Variants in CERT1 observed in about 807,000 individuals in gnomAD.
CERT1 encodes ceramide transporter 1.
Under a neutral mutation model 87.9 loss-of-function variants are expected in CERT1, and 31 were observed. The observed-to-expected ratio is 0.35, with a 90% CI of 0.27 to 0.48. The LOEUF (loss-of-function observed/expected upper bound fraction) is 0.48, where lower values mean the gene tolerates loss of function less well. Among genes scored for constraint, CERT1 ranks in the 20% least tolerant of loss-of-function variants. The pLI is 0.99. For synonymous variants in CERT1, 289 were observed against 250.9 expected, an observed-to-expected ratio of 1.15 and a Z score of -1.44; for missense variants, 487 against 758.0, an observed-to-expected ratio of 0.64 and a Z score of 4.20.
At chr5:75,482,913 G>A (rs554171266) in intron 2 of CERT1, among the ~76,000 whole-genome samples, 32 of 152,272 alleles carry the variant, frequency 2.1e-4, no homozygotes, top group African/African-American at 7.5e-4. Flanking sequence ...TTCCTAAGAA[G>A]AATGGGTACA....
intron 2 of CERT1, among the ~76,000 whole-genome samples, chr5:75,468,849 T>G (rs931363973): frequency 7.9e-5 from 12 of 152,108 alleles, no homozygotes; most frequent in Non-Finnish European, 1.6e-4. Context: ...CTGCAAACAT[T>G]CCAATAAGTA....
At chr5:75,499,169 G>T (rs926563687) in intron 2 of CERT1, among the ~76,000 whole-genome samples, 5 of 152,242 alleles carry the variant, frequency 3.3e-5, no homozygotes, top group African/African-American at 1.2e-4. Flanking sequence ...GTTCACAGGT[G>T]GAGGGGACTT....
chr5:75,469,034 A>T (rs1257227999), intron 2 of CERT1, among the ~76,000 whole-genome samples: 2 of 152,240 alleles, frequency 1.3e-5, no homozygotes, highest in African/African-American at 4.8e-5. Context: ...AAGCTCAATG[A>T]ACTTCAAGAA....
chr5:75,506,018 G>A lies in CERT1; in HGVS notation c.195C>T (p.Cys65=), dbSNP rs768686413. ...YKSEDETEYG[C]RGSICLSKAV... ...CCTTGCTAAGACAGATGGATCCTCT[G>A]CAGCCATACTCTGTTTCATCTTCAG... is the stretch of plus-strand genomic sequence containing the variant. Residue 65 remains cysteine, a synonymous_variant, in exon 2 of 17, where the codon TGC becomes TGT. Transcript: ENST00000643780. The A allele has an allele frequency of 1.2e-6, 2 of 1,613,696 alleles. No homozygotes were observed. The highest frequency in any genetic ancestry group is 8.5e-7 in the Non-Finnish European group (1 of 1,179,738).
intron 8 of CERT1, 141 bp from the exon 9 acceptor site, chr5:75,403,199 G>T: frequency 3.2e-6 from 2 of 623,490 alleles, no homozygotes; most frequent in South Asian, 1.9e-5. Flanking sequence ...CAGTATACTA[G>T]ATCATATGCA....
Position 75,385,936 on chromosome 5 carries a change from A to G in CERT1, c.1383T>C (p.Tyr461=), listed in dbSNP as rs777222556. The change falls in exon 13 of 17, where the codon TAT becomes TAC. Residue 461 remains tyrosine (Y), a synonymous_variant. Transcript: ENST00000643780. ...KGVTGHEVCN[Y]FWNVDVRNDW... ...CATTGCGAACGTCAACATTCCAGAA[A>G]TAATTGCAGACTTCATGTCCTGTGA... 1 of 1,569,438 alleles carries G rather than the reference A, an allele frequency of 6.4e-7. No homozygotes were observed. The highest frequency in any genetic ancestry group is 8.6e-7 in the Non-Finnish European group (1 of 1,159,170).
intron 2 of CERT1, among the ~76,000 whole-genome samples, chr5:75,462,486 C>T (rs955687613): frequency 7.2e-5 from 11 of 152,158 alleles, no homozygotes; most frequent in Admixed American, 5.9e-4. Flanking sequence ...GAGGTAATGT[C>T]GGCTTGCCTG....
At chr5:75,457,697 G>A (rs1031577160) in intron 3 of CERT1, among the ~76,000 whole-genome samples, 3 of 151,934 alleles carry the variant, frequency 2.0e-5, no homozygotes, top group African/African-American at 4.8e-5. Context: ...AAGCTAATAC[G>A]ATTGATAAAG....
chr5:75,443,022 T>C (rs914104456), intron 3 of CERT1, among the ~76,000 whole-genome samples: 4 of 152,180 alleles, frequency 2.6e-5, no homozygotes, highest in Admixed American at 6.5e-5. Context: ...ACTTGGGGTC[T>C]TGGAACATAT....
At chr5:75,488,978 A>G (rs1766652312) in intron 2 of CERT1, among the ~76,000 whole-genome samples, 1 of 152,306 alleles carries the variant, frequency 6.6e-6, no homozygotes, top group South Asian at 2.1e-4. Flanking sequence ...TGGAGGCATC[A>G]TGCTACCTGA....
chr5:75,458,975 A>C (rs761585498), intron 3 of CERT1, 90 bp downstream of exon 3: 1 of 688,122 alleles, frequency 1.5e-6, no homozygotes, highest in Non-Finnish European at 2.6e-6. Context: ...TGTTTCAGTA[A>C]CTAATGTCAC....
At chr5:75,459,723 G>A (rs1440371664) in intron 2 of CERT1, among the ~76,000 whole-genome samples, 3 of 152,056 alleles carry the variant, frequency 2.0e-5, no homozygotes. Context: ...CCAGCACTTT[G>A]GAAGGCCAAG....
Position 75,495,577 on chromosome 5 carries a change from C to CA in CERT1, c.231+10404dup, listed in dbSNP as rs1308352646. ...TATCTCACTTACAAAAAAAAAAAGA[C>CA]AGAGGCCAAGCCTACACAGCACTCA... On this transcript the variant is annotated intron_variant, in intron 2 of 16. Transcript: ENST00000643780. Among the ~76,000 whole-genome samples the CA allele has an allele frequency of 4.6e-5, 7 of 151,442 alleles. No individual in the cohort carries two copies. In the East Asian group the frequency reaches 1.0e-3, roughly 22 times the overall value.
rs142100179 is a variant in CERT1 at position 75,403,035 on chromosome 5, A to G, written c.954T>C (p.Asn318=). The G allele has an allele frequency of 5.8e-5, 94 of 1,613,176 alleles. No individual in the cohort carries two copies. The highest frequency in any genetic ancestry group is 4.0e-4 in the Admixed American group (24 of 59,982). ...CAACAGCATCAAAGAACTCTTCTTC[A>G]TTAATCAGACTGTTAGGGCCTTCCT... The part of the protein sequence containing the change: ...DYEEGPNSLI[N]EEEFFDAVEA... The change falls in exon 9 of 17, where the codon AAT becomes AAC. Residue 318 remains asparagine (N), a synonymous_variant. Coordinates refer to ENST00000643780, the MANE Select transcript of CERT1 (RefSeq NM_001379029.1).
downstream of CERT1, chr5:75,372,988 C>A (rs905555209): frequency 1.3e-5 from 2 of 152,216 alleles, no homozygotes; most frequent in African/African-American, 4.8e-5. Flanking sequence ...CTATTCCTTG[C>A]CTCATCTCCA....
At position 75,400,254 on chromosome 5, in the gene CERT1, G is replaced by A; in HGVS notation, c.1061C>T (p.Pro354Leu). 1.2e-6 allele frequency: 2 copies of A among 1,613,650 alleles called. No homozygotes were observed. Among genetic ancestry groups the A allele is most frequent in the Non-Finnish European group, 1.7e-6 (2 of 1,179,672 alleles). Residue 354 changes from proline to leucine, a missense_variant, in exon 10 of 17, where the codon CCC becomes CTC. Physicochemically the swap from Pro to Leu is moderately conservative, Grantham distance 98 (BLOSUM62 -3). Coordinates refer to ENST00000643780, the MANE Select transcript of CERT1 (RefSeq NM_001379029.1). Reference sequence around the variant, plus strand: ...CACAGAAGAAAAGGCATCTCCAGAGGGCAAGGATGTAGGCCAATGTAATCT... The same window carrying A: ...CACAGAAGAAAAGGCATCTCCAGAGAGCAAGGATGTAGGCCAATGTAATCT... ...KVRLHWPTSL[P>L]SGDAFSSVGT...
At chr5:75,403,643 A>G (rs1005491398) in intron 8 of CERT1, among the ~76,000 whole-genome samples, 4 of 152,232 alleles carry the variant, frequency 2.6e-5, no homozygotes, top group Non-Finnish European at 4.4e-5. Flanking sequence ...TCAGAGGCGG[A>G]TCTTCCTAAG....
intron 2 of CERT1, among the ~76,000 whole-genome samples, chr5:75,478,909 TAAAAAAAAAAAA>T (rs11438163): frequency 3.2e-4 from 7 of 21,766 alleles, no homozygotes; most frequent in South Asian, 2.1e-3. Flanking sequence ...AAGTAAGTAC[TAAAAAAAAAAAA>T]AAAAAAAAAA....
chr5:75,436,959 T>A (rs1243132289), intron 3 of CERT1, among the ~76,000 whole-genome samples: 3 of 152,130 alleles, frequency 2.0e-5, no homozygotes, highest in Non-Finnish European at 4.4e-5. Context: ...TTTTTATTTT[T>A]TACTTTTTTA....
Sources: allele counts gnomAD v4.1 joint callset (sites outside exome capture counted in the v4.1 genomes callset), GRCh38; gene constraint gnomAD v4.1.1; transcripts MANE v1.5; gene names NCBI Gene and HGNC (gene_info 2026-07-23, HGNC 2026-07-21).